Variants in FOXN3 observed in about 807,000 individuals in gnomAD.
The protein encoded by FOXN3 is forkhead box N3, also known as forkhead box protein N3.
FOXN3 carries 7 observed loss-of-function variants against 38.4 expected under a neutral mutation model. That is an observed-to-expected ratio of 0.18 (90% CI 0.10 to 0.34). The LOEUF (loss-of-function observed/expected upper bound fraction) is 0.34, where lower values mean the gene tolerates loss of function less well. FOXN3 is among the 10% of genes least tolerant of loss of function. The probability of loss-of-function intolerance (pLI) is 1.00; values close to 1 mark genes in which losing one functional copy is unlikely to be tolerated. For missense variants in FOXN3, 456 were observed against 613.4 expected (o/e 0.74, Z 2.71); for synonymous variants, 230 against 242.2 (o/e 0.95, Z 0.47).
At position 89,164,204 on chromosome 14, in the gene FOXN3, C is replaced by G. The variant is rs1887180536; in HGVS notation, c.852-1235G>C. Among the ~76,000 whole-genome samples the G allele has an allele frequency of 6.6e-6, 1 of 152,150 alleles. No individual in the cohort carries two copies. The highest frequency in any genetic ancestry group is 2.4e-5 in the African/African-American group (1 of 41,416). On this transcript the variant is annotated intron_variant, in intron 5 of 5. Coordinates refer to ENST00000557258, the MANE Select transcript of FOXN3 (RefSeq NM_005197.4). The surrounding 1 kb of genome is among the most constrained non-coding windows in gnomAD (Gnocchi z 4.3). ...GCTGCCTGTCTGTTAGTGCCTGGCG[C>G]CCAGCCTTCAGAAGGATGAATACTT...
chr14:89,173,130 A>G (rs185300879), intron 5 of FOXN3, among the ~76,000 whole-genome samples: 2 of 152,378 alleles, frequency 1.3e-5, no homozygotes, highest in African/African-American at 4.8e-5. Flanking sequence ...AAGGGAACCC[A>G]GTAGAAAAAT....
chr14:89,460,146 A>G (rs1339596638), intron 1 of FOXN3, among the ~76,000 whole-genome samples: 3 of 152,150 alleles, frequency 2.0e-5, no homozygotes, highest in Non-Finnish European at 4.4e-5. Flanking sequence ...TTTGTTGTAA[A>G]AGACAAGGAC....
At chr14:89,390,313 C>CTATA (rs56143578) in intron 2 of FOXN3, among the ~76,000 whole-genome samples, 94 of 143,538 alleles carry the variant, frequency 6.5e-4, no homozygotes, top group East Asian at 1.4e-3. Flanking sequence ...CTCTCTCTCT[C>CTATA]TATATATATA....
At chr14:89,556,972 G>A (rs1299322853) in intron 1 of FOXN3, among the ~76,000 whole-genome samples, 1 of 152,164 alleles carries the variant, frequency 6.6e-6, no homozygotes, top group Non-Finnish European at 1.5e-5. Flanking sequence ...TGAGCACCTG[G>A]GGTATAGACA....
intron 3 of FOXN3, among the ~76,000 whole-genome samples, chr14:89,319,796 G>C (rs922864922): frequency 2.0e-5 from 3 of 152,192 alleles, no homozygotes; most frequent in Non-Finnish European, 4.4e-5. Flanking sequence ...TTTTATACAA[G>C]ATAGTAATCC....
rs531970268 is a variant in FOXN3, at chr14:89,410,941, C to CT, written c.543+992dup. Among the ~76,000 whole-genome samples, 7 of 152,222 alleles carry CT rather than the reference C, an allele frequency of 4.6e-5. No homozygotes were observed. The East Asian group carries it at 1.2e-3, about 25-fold the overall frequency. ...AAAGAAAGCAAATTATTAAAACCGT[C>CT]TTCTTTTCACTGACCATGAAGTACA... On this transcript the variant is annotated intron_variant, in intron 2 of 5. Coordinates refer to ENST00000557258, the MANE Select transcript of FOXN3 (RefSeq NM_005197.4).
intron 1 of FOXN3, among the ~76,000 whole-genome samples, chr14:89,426,881 T>C (rs1450403802): frequency 1.3e-5 from 2 of 151,940 alleles, no homozygotes; most frequent in Non-Finnish European, 1.5e-5. Context: ...CTCAGGGGCC[T>C]AGGACATGAA....
intron 4 of FOXN3, among the ~76,000 whole-genome samples, chr14:89,251,199 C>T (rs745818765): frequency 2.0e-5 from 3 of 152,200 alleles, no homozygotes; most frequent in Non-Finnish European, 4.4e-5. Flanking sequence ...CCTTTTCTAG[C>T]CTCCAGCCTT....
At chr14:89,419,082 A>C, upstream of FOXN3, 1 of 455,752 alleles carries the variant, frequency 2.2e-6, no homozygotes, top group South Asian at 1.5e-5. Context: ...GTGATTGTAC[A>C]TGGAATATGT....
At chr14:89,585,325 C>G (rs1895821097) in intron 1 of FOXN3, among the ~76,000 whole-genome samples, 2 of 152,176 alleles carry the variant, frequency 1.3e-5, no homozygotes, top group African/African-American at 4.8e-5. Flanking sequence ...TTTCCTCATC[C>G]AAGCTGCCAG....
At chr14:89,414,551 G>GTT (rs748504239) in intron 1 of FOXN3, among the ~76,000 whole-genome samples, 37 of 122,870 alleles carry the variant, frequency 3.0e-4, no homozygotes, top group South Asian at 5.4e-4. Flanking sequence ...GGCCCAACCG[G>GTT]TTTTTTTTTT....
At chr14:89,552,412 A>C (rs1387943435) in intron 1 of FOXN3, among the ~76,000 whole-genome samples, 1 of 152,242 alleles carries the variant, frequency 6.6e-6, no homozygotes, top group Non-Finnish European at 1.5e-5. Flanking sequence ...CCATTCAAAC[A>C]ACCAAATGAT....
At chr14:89,375,444 T>A (rs1890451460) in intron 2 of FOXN3, among the ~76,000 whole-genome samples, 2 of 152,328 alleles carry the variant, frequency 1.3e-5, no homozygotes, top group Non-Finnish European at 2.9e-5. Context: ...ATACTGATTA[T>A]GTATCCTAGT....
At chr14:89,267,449 C>T (rs999797794) in intron 4 of FOXN3, among the ~76,000 whole-genome samples, 2 of 151,940 alleles carry the variant, frequency 1.3e-5, no homozygotes, top group Non-Finnish European at 2.9e-5. Flanking sequence ...GGGGCTGGGG[C>T]GGTGCTCTGG....
At chr14:89,290,601 T>C in intron 3 of FOXN3, 1 of 545,944 alleles carries the variant, frequency 1.8e-6, no homozygotes, top group Non-Finnish European at 3.6e-6. Flanking sequence ...GTCATTCCTG[T>C]CTTCTTGGTA....
chr14:89,174,233 AT>A (rs1175288845), intron 5 of FOXN3, among the ~76,000 whole-genome samples: 1 of 152,130 alleles, frequency 6.6e-6, no homozygotes, highest in African/African-American at 2.4e-5. Flanking sequence ...ATCCAGTCTA[AT>A]TCTACCTGTG....
chr14:89,393,795 T>C (rs1026253372), intron 2 of FOXN3, among the ~76,000 whole-genome samples: 15 of 152,278 alleles, frequency 9.9e-5, no homozygotes, highest in Middle Eastern at 3.4e-3. Context: ...CACTGACAGT[T>C]ACAGAGGGGC....
chr14:89,272,575 C>T (rs996697181), intron 4 of FOXN3, among the ~76,000 whole-genome samples: 3 of 151,718 alleles, frequency 2.0e-5, no homozygotes, highest in African/African-American at 7.3e-5. Flanking sequence ...AATTAAGCTG[C>T]GAGCGGTGGC....
At chr14:89,464,295 A>G (rs979305116) in intron 1 of FOXN3, among the ~76,000 whole-genome samples, 1 of 152,066 alleles carries the variant, frequency 6.6e-6, no homozygotes, top group Non-Finnish European at 1.5e-5. Flanking sequence ...GCTAACTTGG[A>G]GTTTAGAGGC....
Sources: gnomAD v4.1 joint callset for allele counts (sites outside exome capture counted in the v4.1 genomes callset) on GRCh38, gnomAD v4.1.1 for gene constraint, Gnocchi (gnomAD v3.1) non-coding constraint, MANE v1.5 for transcripts, NCBI Gene and HGNC (gene_info 2026-07-23, HGNC 2026-07-21) for gene names.